The following PDE5A variants were observed in gnomAD, a reference collection of about 807,000 sequenced individuals.
The protein encoded by PDE5A is phosphodiesterase 5A.
In PDE5A, 67 loss-of-function variants were observed where a neutral mutation model predicts 110.2. That is an observed-to-expected ratio of 0.61 (90% CI 0.50 to 0.75). The LOEUF (loss-of-function observed/expected upper bound fraction) is 0.75. PDE5A is among the 30% of genes least tolerant of loss of function. The probability of loss-of-function intolerance (pLI) is 0.00; values close to 1 mark genes in which losing one functional copy is unlikely to be tolerated. For missense variants in PDE5A, 862 were observed against 1,045.1 expected, an observed-to-expected ratio of 0.82 and a Z score of 2.42; for synonymous variants, 328 against 351.2, an observed-to-expected ratio of 0.93 and a Z score of 0.74.
chr4:119,542,730 C>T, intron 9 of PDE5A, 96 bp from the exon 10 acceptor site: 1 of 1,132,848 alleles, frequency 8.8e-7, no homozygotes, highest in Non-Finnish European at 1.3e-6. Context: ...TTACACTTTT[C>T]TCTTAGGAAT....
At position 119,627,976 on chromosome 4, in the gene PDE5A, A is replaced by T; in HGVS notation, c.152+544T>A. 2.2e-6 allele frequency: 2 copies of T among 906,700 alleles called. No homozygotes were observed. The highest frequency in any genetic ancestry group is 2.6e-6 in the Non-Finnish European group (2 of 757,780). The allele number at this position is 906,700 out of a possible 1,614,324, so 56.2% of individuals were successfully genotyped here. A position where few individuals can be genotyped will look rare whatever the true frequency, so the allele number is the denominator to read the frequency against. ...GACAAGCAGGAGACTGGAAGGGGGG[A>T]AAAGGCAACCGCACTCACTTTGGCA... On this transcript the variant is annotated intron_variant, in intron 1 of 20. Transcript: ENST00000354960. The surrounding 1 kb of genome is among the most constrained non-coding windows in gnomAD (Gnocchi z 4.6).
chr4:119,612,265 G>A (rs1047370917), intron 1 of PDE5A, among the ~76,000 whole-genome samples: 2 of 152,162 alleles, frequency 1.3e-5, no homozygotes, highest in African/African-American at 4.8e-5. Flanking sequence ...GTGGGGCTTA[G>A]TGAGAGGTAA....
chr4:119,509,452 G>A (rs1440290454), intron 15 of PDE5A, among the ~76,000 whole-genome samples: 2 of 152,030 alleles, frequency 1.3e-5, no homozygotes, highest in African/African-American at 4.8e-5. Context: ...TCCAAAGCGA[G>A]GGAGAGAGCC....
intron 6 of PDE5A, among the ~76,000 whole-genome samples, chr4:119,561,241 T>C (rs1727737533): frequency 6.6e-6 from 1 of 152,174 alleles, no homozygotes; most frequent in Non-Finnish European, 1.5e-5. Context: ...AAAATGATAG[T>C]TTAATCTGGG....
chr4:119,582,815 T>C (rs1728632071), intron 3 of PDE5A, among the ~76,000 whole-genome samples: 1 of 152,232 alleles, frequency 6.6e-6, no homozygotes, highest in East Asian at 1.9e-4. Flanking sequence ...AAGAAATCAT[T>C]TTCCCTGAGC....
intron 3 of PDE5A, among the ~76,000 whole-genome samples, chr4:119,592,453 G>GT (rs1729008831): frequency 3.1e-5 from 1 of 32,102 alleles, no homozygotes; most frequent in Non-Finnish European, 5.5e-5. Context: ...GCGAGACTCT[G>GT]TTTAAAAAAA....
At chr4:119,600,676 A>C (rs771686223) in intron 2 of PDE5A, among the ~76,000 whole-genome samples, 10 of 152,180 alleles carry the variant, frequency 6.6e-5, no homozygotes, top group Non-Finnish European at 1.5e-4. Flanking sequence ...AACATAATTG[A>C]CTAAATAAAA....
intron 3 of PDE5A, among the ~76,000 whole-genome samples, chr4:119,585,275 C>CA (rs10706998): frequency 1.1e-4 from 15 of 135,262 alleles, no homozygotes; most frequent in African/African-American, 3.6e-4. Flanking sequence ...AACTCTGTCT[C>CA]AAAAAAAAAA....
intron 14 of PDE5A, among the ~76,000 whole-genome samples, chr4:119,511,676 T>TGGAA (rs563956560): frequency 2.3e-4 from 35 of 152,036 alleles, no homozygotes; most frequent in East Asian, 9.7e-4. Context: ...CATGCTCCCT[T>TGGAA]GGAAGGAAGG....
At position 119,501,216 on chromosome 4, in the gene PDE5A, C is replaced by T. The variant is rs1725315367; in HGVS notation, c.2444G>A (p.Ser815Asn). The T allele has an allele frequency of 6.2e-7, 1 of 1,612,434 alleles. No individual in the cohort carries two copies. Among genetic ancestry groups the T allele is most frequent in the Non-Finnish European group, 8.5e-7 (1 of 1,178,720 alleles). ...GGCATCTATGAACCCAACTTGCATA[C>T]TTGGGATTTTGTTTTTCTTCTCCCT... The part of the protein sequence containing the change: ...MNREKKNKIP[S>N]MQVGFIDAIC... The change falls in exon 20 of 21, where the codon AGT becomes AAT. Residue 815 changes from serine (S) to asparagine (N), a missense_variant. Coordinates refer to ENST00000354960, the MANE Select transcript of PDE5A (RefSeq NM_001083.4).
intron 1 of PDE5A, among the ~76,000 whole-genome samples, chr4:119,623,389 A>G (rs1280154808): frequency 2.0e-5 from 3 of 152,200 alleles, no homozygotes; most frequent in Admixed American, 6.5e-5. Flanking sequence ...AGTCCTTACT[A>G]AAGGTTTTTT....
At chr4:119,618,174 T>C (rs1444188169) in intron 1 of PDE5A, among the ~76,000 whole-genome samples, 5 of 152,164 alleles carry the variant, frequency 3.3e-5, no homozygotes, top group Admixed American at 2.6e-4. Flanking sequence ...CTTTGTAAAA[T>C]GGAGATCATG....
intron 1 of PDE5A, among the ~76,000 whole-genome samples, chr4:119,625,404 G>A (rs935168107): frequency 1.3e-5 from 2 of 152,164 alleles, no homozygotes; most frequent in African/African-American, 4.8e-5. Context: ...AAATTCACAG[G>A]TGTTTGAGAA....
chr4:119,546,219 T>A (rs895704324), intron 9 of PDE5A, among the ~76,000 whole-genome samples: 3 of 152,206 alleles, frequency 2.0e-5, no homozygotes, highest in African/African-American at 7.2e-5. Flanking sequence ...TTGTTTCAAC[T>A]ATTACATACT....
intron 3 of PDE5A, among the ~76,000 whole-genome samples, chr4:119,573,914 T>G (rs939006432): frequency 2.0e-5 from 3 of 152,142 alleles, no homozygotes; most frequent in African/African-American, 7.2e-5. Flanking sequence ...ATTCAAATGC[T>G]AAAAAGCTTG....
chr4:119,504,615 G>A lies in PDE5A; in HGVS notation c.2268-16C>T, dbSNP rs772845051. Reference sequence around the variant, plus strand: ...CAGCATTGCCCTGTTATGGAAAAAAGAAACCCAAAACTCCTATTTACTTTT... The same window carrying A: ...CAGCATTGCCCTGTTATGGAAAAAAAAAACCCAAAACTCCTATTTACTTTT... On this transcript the variant is annotated splice_polypyrimidine_tract_variant and intron_variant, in intron 17 of 20. Transcript: ENST00000354960. The A allele has an allele frequency of 2.5e-6, 4 of 1,605,928 alleles. No homozygotes were observed. The East Asian group carries it at 8.9e-5, about 36-fold the overall frequency.
chr4:119,537,210 T>TA (rs1168106898), intron 11 of PDE5A, among the ~76,000 whole-genome samples: 1 of 152,132 alleles, frequency 6.6e-6, no homozygotes, highest in Non-Finnish European at 1.5e-5. Context: ...AACCAAACAA[T>TA]AAAAAACTTC....
In PDE5A at chr4:119,596,543, T is replaced by C. The variant is rs1355580840; in HGVS notation, c.811A>G (p.Ile271Val). 5 of 1,592,162 alleles carry C rather than the reference T, an allele frequency of 3.1e-6. No individual in the cohort carries two copies. The highest frequency in any genetic ancestry group is 3.5e-5 in the Admixed American group (2 of 57,778). The change falls in exon 3 of 21, where the codon ATT becomes GTT. Residue 271 changes from isoleucine to valine, a missense_variant. Coordinates refer to ENST00000354960, the MANE Select transcript of PDE5A (RefSeq NM_001083.4). ...YKTQSILCMP[I>V]KNHREEVVGV... ...CTTACCTCTTCCCTATGATTCTTAA[T>C]TGGCATACAAAGAATGCTTTGTGTC...
At chr4:119,519,016 A>G in intron 14 of PDE5A, 29 bp downstream of exon 14, 1 of 1,528,018 alleles carries the variant, frequency 6.5e-7, no homozygotes, top group Non-Finnish European at 9.1e-7. Context: ...AAAAGAAAAC[A>G]TTTTCTTGCT....
Sources: gnomAD v4.1 joint callset for allele counts (sites outside exome capture counted in the v4.1 genomes callset) on GRCh38, gnomAD v4.1.1 for gene constraint, Gnocchi (gnomAD v3.1) non-coding constraint, MANE v1.5 for transcripts, NCBI Gene and HGNC (gene_info 2026-07-23, HGNC 2026-07-21) for gene names.